The following GLIS3 variants were observed in gnomAD, a reference collection of about 807,000 sequenced individuals.
GLIS3 encodes GLIS family zinc finger 3.
Under a neutral mutation model 78.6 loss-of-function variants are expected in GLIS3, and 53 were observed. That is an observed-to-expected ratio of 0.67 (90% confidence interval 0.54 to 0.85). The LOEUF is 0.85. Among genes scored for constraint, GLIS3 ranks in the 40% least tolerant of loss-of-function variants. The probability of loss-of-function intolerance (pLI) is 0.00; values close to 1 mark genes in which losing one functional copy is unlikely to be tolerated. For missense variants in GLIS3, 1,703 were observed against 1,231.1 expected, an observed-to-expected ratio of 1.38 and a Z score of -5.74; for synonymous variants, 684 against 509.9, an observed-to-expected ratio of 1.34 and a Z score of -4.60.
chr9:4,151,124 T>G (rs1259928812), intron 2 of GLIS3: 1 of 152,160 alleles, frequency 6.6e-6, no homozygotes, highest in Non-Finnish European at 1.5e-5. Context: ...AGATGCCTAC[T>G]TAACAACTGT....
intron 7 of GLIS3, among the ~76,000 whole-genome samples, chr9:3,895,022 T>G (rs1822722672): frequency 6.6e-6 from 1 of 152,210 alleles, no homozygotes; most frequent in Non-Finnish European, 1.5e-5. Context: ...GAGCCATAAT[T>G]TTTGTGGTCA....
At chr9:3,944,440 G>A (rs1293324475) in intron 4 of GLIS3, among the ~76,000 whole-genome samples, 1 of 152,090 alleles carries the variant, frequency 6.6e-6, no homozygotes, top group Non-Finnish European at 1.5e-5. Flanking sequence ...ATACATACAA[G>A]GTATCATATA....
At chr9:3,859,402 T>TAG (rs1394583606) in intron 8 of GLIS3, among the ~76,000 whole-genome samples, 1 of 125,924 alleles carries the variant, frequency 7.9e-6, no homozygotes, top group African/African-American at 2.8e-5. Flanking sequence ...CACACACACA[T>TAG]CAAAATGAAT....
intron 2 of GLIS3, among the ~76,000 whole-genome samples, chr9:4,342,307 G>A (rs989126021): frequency 2.4e-4 from 36 of 152,146 alleles, no homozygotes; most frequent in Admixed American, 2.0e-3. Context: ...TCTTCTGCAC[G>A]CGGCTAGCCA....
chr9:4,028,373 C>T (rs1823526607), intron 4 of GLIS3, among the ~76,000 whole-genome samples: 2 of 152,180 alleles, frequency 1.3e-5, no homozygotes, highest in Non-Finnish European at 1.5e-5. Context: ...TTGTTTCCTT[C>T]TCTCCTTGGG....
chr9:4,261,494 G>C, intron 2 of GLIS3, among the ~76,000 whole-genome samples: 1 of 152,136 alleles, frequency 6.6e-6, no homozygotes, highest in East Asian at 1.9e-4. Context: ...CTCTATGGTA[G>C]AATAAAACCA....
At chr9:4,179,270 CT>C (rs1817081189) in intron 2 of GLIS3, among the ~76,000 whole-genome samples, 1 of 152,198 alleles carries the variant, frequency 6.6e-6, no homozygotes, top group Non-Finnish European at 1.5e-5. Context: ...CAAAAAGTTA[CT>C]CTTCTTTCCC....
At chr9:3,986,399 C>T (rs1484258465) in intron 4 of GLIS3, among the ~76,000 whole-genome samples, 1 of 152,182 alleles carries the variant, frequency 6.6e-6, no homozygotes, top group Non-Finnish European at 1.5e-5. Flanking sequence ...TCACAGAATT[C>T]CACTCCCTTC....
At chr9:4,395,542 T>C in the GLIS3 span, among the ~76,000 whole-genome samples, 1 of 152,148 alleles carries the variant, frequency 6.6e-6, no homozygotes, top group Non-Finnish European at 1.5e-5. Flanking sequence ...TGAGTCATTT[T>C]GGTACTGGTG....
intron 4 of GLIS3, among the ~76,000 whole-genome samples, chr9:4,085,692 G>A (rs1486715318): frequency 1.3e-5 from 2 of 152,172 alleles, no homozygotes; most frequent in East Asian, 1.9e-4. Context: ...CTCATGAATG[G>A]TTTAGCGCTA....
chr9:4,459,364 T>G, the GLIS3 span, among the ~76,000 whole-genome samples: 1 of 152,078 alleles, frequency 6.6e-6, no homozygotes, highest in Non-Finnish European at 1.5e-5. Flanking sequence ...TATCCAATCT[T>G]TAGGGATTGG....
At chr9:4,186,313 A>G (rs1039620216) in intron 2 of GLIS3, among the ~76,000 whole-genome samples, 7 of 151,902 alleles carry the variant, frequency 4.6e-5, no homozygotes, top group African/African-American at 1.7e-4. Context: ...CCATGTCCCT[A>G]CAAAGGACAT....
chr9:4,185,807 T>G (rs1464815373), intron 2 of GLIS3, among the ~76,000 whole-genome samples: 2 of 152,052 alleles, frequency 1.3e-5, no homozygotes, highest in African/African-American at 4.8e-5. Context: ...CTCCTTTCAT[T>G]TGGCCTCTTG....
chr9:4,034,656 G>A (rs1448495483), intron 4 of GLIS3: 3 of 152,190 alleles, frequency 2.0e-5, no homozygotes, highest in Non-Finnish European at 2.9e-5. Context: ...TCAAGAAATT[G>A]TTTGGGGAGC....
intron 8 of GLIS3, 54 bp from the exon 9 acceptor site, chr9:3,856,238 A>G: frequency 6.5e-7 from 1 of 1,536,408 alleles, no homozygotes; most frequent in Non-Finnish European, 8.9e-7. Context: ...GCAGGAACAA[A>G]GACAAACTCT....
chr9:3,824,575 T>C lies in GLIS3; in HGVS notation c.*3697A>G, dbSNP rs1191986852. On this transcript the variant is annotated 3_prime_UTR_variant, in exon 11 of 11. Coordinates refer to ENST00000381971, the MANE Select transcript of GLIS3 (RefSeq NM_001042413.2). Reference sequence around the variant, plus strand: ...ATGAACAAGACAAAATAACTTATGATTATATGAAACATAACTGTGACAAAT... The same window carrying C: ...ATGAACAAGACAAAATAACTTATGACTATATGAAACATAACTGTGACAAAT... 2 of 152,406 alleles carry C rather than the reference T, an allele frequency of 1.3e-5. No homozygotes were observed. The highest frequency in any genetic ancestry group is 2.4e-5 in the African/African-American group (1 of 41,446). 9.4% of individuals were successfully genotyped at this position (152,406 alleles called of 1,614,324 possible). A position where few individuals can be genotyped will look rare whatever the true frequency, so the allele number is the denominator to read the frequency against.
chr9:4,173,564 ACAC>A (rs1816559860), intron 2 of GLIS3, among the ~76,000 whole-genome samples: 1 of 1,104 alleles, frequency 9.1e-4, no homozygotes, highest in African/African-American at 1.0e-3. Flanking sequence ...GTATAGATAC[ACAC>A]ACACACACAC....
intron 2 of GLIS3, among the ~76,000 whole-genome samples, chr9:4,169,303 G>A (rs1018167037): frequency 6.6e-6 from 1 of 152,180 alleles, no homozygotes; most frequent in African/African-American, 2.4e-5. Flanking sequence ...CTCAGATTCT[G>A]GAAGTTACTA....
the GLIS3 span, among the ~76,000 whole-genome samples, chr9:4,489,535 G>C: frequency 3.3e-5 from 5 of 152,208 alleles, no homozygotes; most frequent in Non-Finnish European, 5.9e-5. Context: ...GAGGGAAAGA[G>C]ATTGTATACG....
Sources: gnomAD v4.1 joint callset for allele counts (sites outside exome capture counted in the v4.1 genomes callset) on GRCh38, gnomAD v4.1.1 for gene constraint, MANE v1.5 for transcripts, NCBI Gene and HGNC (gene_info 2026-07-23, HGNC 2026-07-21) for gene names.